ZBTB38: variants seen among roughly 807,000 people sequenced by gnomAD.
The protein encoded by ZBTB38 is zinc finger and BTB domain containing 38.
In ZBTB38, 20 loss-of-function variants were observed where a neutral mutation model predicts 76.8. That is an observed-to-expected ratio of 0.26 (90% CI 0.18 to 0.38). The LOEUF (loss-of-function observed/expected upper bound fraction) is 0.38, where lower values mean the gene tolerates loss of function less well. ZBTB38 is among the 10% of genes least tolerant of loss of function. The pLI, the probability that ZBTB38 is intolerant of heterozygous loss-of-function variation, is 1.00. For synonymous variants in ZBTB38, 504 were observed against 544.2 expected, an observed-to-expected ratio of 0.93 and a Z score of 1.03; for missense variants, 1,082 against 1,482.3, an observed-to-expected ratio of 0.73 and a Z score of 4.43.
chr3:141,394,722 G>A (rs1197358928), intron 4 of ZBTB38, among the ~76,000 whole-genome samples: 1 of 152,036 alleles, frequency 6.6e-6, no homozygotes. Flanking sequence ...GAATCGCTTG[G>A]TCTCCAGGAG....
At chr3:141,342,686 G>A (rs980909460) in intron 1 of ZBTB38, among the ~76,000 whole-genome samples, 20 of 146,178 alleles carry the variant, frequency 1.4e-4, no homozygotes, top group African/African-American at 4.3e-4. Context: ...AGTTTAGCCC[G>A]AAATAAAAAA....
intron 4 of ZBTB38, among the ~76,000 whole-genome samples, chr3:141,394,921 G>A (rs1157022490): frequency 6.6e-6 from 1 of 152,124 alleles, no homozygotes; most frequent in Non-Finnish European, 1.5e-5. Context: ...GTTAAGTGGT[G>A]GAATGAAACC....
chr3:141,428,360 A>T (rs1280794953), intron 5 of ZBTB38, among the ~76,000 whole-genome samples: 2 of 152,212 alleles, frequency 1.3e-5, no homozygotes, highest in Non-Finnish European at 2.9e-5. Context: ...ATGTGTACAC[A>T]TTCATGTGAG....
intron 5 of ZBTB38, among the ~76,000 whole-genome samples, chr3:141,436,531 T>C (rs1422131600): frequency 6.6e-6 from 1 of 152,200 alleles, no homozygotes; most frequent in Non-Finnish European, 1.5e-5. Context: ...TGAGTCTTGC[T>C]CTGTTGCCTA....
At chr3:141,398,772 C>G (rs1370373046) in intron 4 of ZBTB38, among the ~76,000 whole-genome samples, 1 of 151,992 alleles carries the variant, frequency 6.6e-6, no homozygotes, top group Non-Finnish European at 1.5e-5. Flanking sequence ...AGAAAAATAA[C>G]CACAGTACTA....
chr3:141,419,553 G>A (rs1305195965), intron 5 of ZBTB38, among the ~76,000 whole-genome samples: 6 of 152,136 alleles, frequency 3.9e-5, no homozygotes, highest in Non-Finnish European at 1.5e-5. Context: ...CTGAAAACCC[G>A]ACCTTTCCAG....
At chr3:141,424,083 G>A (rs1016642519) in intron 5 of ZBTB38, among the ~76,000 whole-genome samples, 1 of 152,180 alleles carries the variant, frequency 6.6e-6, no homozygotes, top group African/African-American at 2.4e-5. Context: ...CCAAATTTGA[G>A]TGACCTTCTG....
intron 5 of ZBTB38, among the ~76,000 whole-genome samples, chr3:141,406,700 G>C (rs1392171564): frequency 6.6e-6 from 1 of 152,182 alleles, no homozygotes; most frequent in Non-Finnish European, 1.5e-5. Flanking sequence ...TTTGAGAAAA[G>C]AAAGGAAGAT....
At chr3:141,403,333 T>A (rs766873578) in intron 4 of ZBTB38, among the ~76,000 whole-genome samples, 5 of 152,236 alleles carry the variant, frequency 3.3e-5, no homozygotes, top group Admixed American at 6.5e-5. Flanking sequence ...AGTTTTGTCC[T>A]GGTTTCAGAG....
chr3:141,334,285 G>A (rs1942942411), intron 1 of ZBTB38, among the ~76,000 whole-genome samples: 2 of 151,422 alleles, frequency 1.3e-5, no homozygotes, highest in Admixed American at 1.3e-4. Flanking sequence ...TCAGGGAAAT[G>A]CAGGTTCTCT....
At chr3:141,420,394 T>C (rs1285600805) in intron 5 of ZBTB38, among the ~76,000 whole-genome samples, 3 of 152,182 alleles carry the variant, frequency 2.0e-5, no homozygotes, top group Non-Finnish European at 4.4e-5. Context: ...GAGCTTGATA[T>C]CTTGATCTTT....
chr3:141,382,375 A>G (rs534887636), intron 3 of ZBTB38, among the ~76,000 whole-genome samples: 1 of 152,314 alleles, frequency 6.6e-6, no homozygotes, highest in African/African-American at 2.4e-5. Context: ...GAAACTAGCT[A>G]TAATTTTTAA....
upstream of ZBTB38, chr3:141,367,427 T>A (rs573328851): frequency 3.1e-4 from 47 of 152,478 alleles, no homozygotes; most frequent in African/African-American, 1.0e-3. Flanking sequence ...AGACCTGGTG[T>A]TGACGCAGTA....
At chr3:141,333,533 C>A (rs562674664) in intron 1 of ZBTB38, among the ~76,000 whole-genome samples, 3 of 152,244 alleles carry the variant, frequency 2.0e-5, no homozygotes, top group Admixed American at 2.0e-4. Flanking sequence ...CAGGCACAGC[C>A]CCTGCTGGGT....
At chr3:141,342,007 G>C (rs554000775) in intron 1 of ZBTB38, among the ~76,000 whole-genome samples, 1 of 152,278 alleles carries the variant, frequency 6.6e-6, no homozygotes, top group South Asian at 2.1e-4. Context: ...TAATTTAGCA[G>C]ATAAAATGGA....
At position 141,445,773 on chromosome 3, in the gene ZBTB38, C is replaced by G. The variant is rs993564159; in HGVS notation, c.3385C>G (p.Gln1129Glu). Reference protein sequence around the residue: ...EHNGKGYACFQCPKICKTAAA... With the variant: ...EHNGKGYACFECPKICKTAAA... ...TAATGGGAAGGGCTATGCCTGCTTCCAGTGCCCCAAAATTTGCAAAACAGC... is the reference window on the plus strand; with the variant it reads ...TAATGGGAAGGGCTATGCCTGCTTCGAGTGCCCCAAAATTTGCAAAACAGC... Residue 1129 changes from glutamine to glutamate, a missense_variant, in exon 6 of 6, where the codon CAG (glutamine) becomes GAG (glutamate). Around this residue, in one of 8 missense-constraint regions of ZBTB38, gnomAD observed 69 missense variants for 148.2 expected, o/e 0.47. Coordinates refer to ENST00000321464, the MANE Select transcript of ZBTB38 (RefSeq NM_001376113.1). This position sits in a 1 kb window ranked among gnomAD's most constrained non-coding sequence, Gnocchi z 6.5. The G allele has an allele frequency of 3.7e-6, 6 of 1,614,180 alleles. 1 individual carries two copies. The highest frequency in any genetic ancestry group is 4.5e-5 in the East Asian group (2 of 44,882).
intron 2 of ZBTB38, among the ~76,000 whole-genome samples, chr3:141,370,575 A>G (rs1041875642): frequency 1.3e-5 from 2 of 152,244 alleles, no homozygotes; most frequent in African/African-American, 4.8e-5. Flanking sequence ...GGAGAAGTAA[A>G]CAATTATCCA....
chr3:141,442,527 C>G lies in ZBTB38; in HGVS notation c.139C>G (p.His47Asp). 6.2e-7 allele frequency: 1 copy of G among 1,614,182 alleles called. No homozygotes were observed. Among genetic ancestry groups the G allele is most frequent in the Non-Finnish European group, 8.5e-7 (1 of 1,180,038 alleles). The stretch of plus-strand genomic sequence containing the variant: ...TGTGGAAGATACCAAATTTAAAGCC[C>G]ATAGCAATGTTCTGGCAGCTTCAAG... Reference protein sequence around the residue: ...IIVEDTKFKAHSNVLAASSLY... With the variant: ...IIVEDTKFKADSNVLAASSLY... Residue 47 changes from histidine to aspartate, a missense_variant, in exon 6 of 6, where the codon CAT (histidine) becomes GAT (aspartate). His to Asp is a moderately conservative substitution (Grantham distance 81, BLOSUM62 -1). This residue lies in a region of ZBTB38 where 68 missense variants were observed against 153.0 expected (regional missense o/e 0.44). Transcript: ENST00000321464. This position sits in a 1 kb window ranked among gnomAD's most constrained non-coding sequence, Gnocchi z 6.4.
chr3:141,389,442 G>C (rs892214975), intron 4 of ZBTB38: 4 of 142,958 alleles, frequency 2.8e-5, no homozygotes, highest in Non-Finnish European at 6.0e-5. Flanking sequence ...TACCCTTCCT[G>C]CAACACCTTT....
Sources: allele counts gnomAD v4.1 joint callset (sites outside exome capture counted in the v4.1 genomes callset), GRCh38; gene constraint gnomAD v4.1.1; regional missense constraint gnomAD v4.1.1; non-coding constraint Gnocchi (gnomAD v3.1); transcripts MANE v1.5; gene names NCBI Gene and HGNC (gene_info 2026-07-23, HGNC 2026-07-21).